MDGA2: variants seen among roughly 807,000 people sequenced by gnomAD.
MDGA2 encodes the protein MAM domain containing glycosylphosphatidylinositol anchor 2, also known as MAM domain-containing glycosylphosphatidylinositol anchor protein 2.
Under a neutral mutation model 117.8 loss-of-function variants are expected in MDGA2, and 40 were observed. That is an observed-to-expected ratio of 0.34 (90% CI 0.26 to 0.44). The LOEUF is 0.44. Ranked by LOEUF, MDGA2 falls within the 20% of genes least tolerant of loss-of-function variation. The pLI is 1.00. For missense variants in MDGA2, 1,123 were observed against 1,250.6 expected (o/e 0.90, Z 1.54); for synonymous variants, 452 against 439.0 (o/e 1.03, Z -0.37).
At chr14:47,295,679 G>A (rs10132633) in intron 2 of MDGA2, among the ~76,000 whole-genome samples, 2 of 151,856 alleles carry the variant, frequency 1.3e-5, no homozygotes, top group South Asian at 2.1e-4. Flanking sequence ...TGAGGTGGGC[G>A]AATCACCCGA....
intron 1 of MDGA2, among the ~76,000 whole-genome samples, chr14:47,428,660 C>A (rs1183983278): frequency 2.6e-5 from 4 of 152,056 alleles, no homozygotes; most frequent in African/African-American, 9.6e-5. Context: ...CTAAGAAGAG[C>A]TTTTCCCTAT....
intron 2 of MDGA2, among the ~76,000 whole-genome samples, chr14:47,225,327 C>T (rs930241785): frequency 4.0e-5 from 6 of 151,726 alleles, no homozygotes; most frequent in Non-Finnish European, 7.4e-5. Context: ...ACCCAAAGGA[C>T]TATAAATCAT....
At chr14:47,022,037 G>A (rs11621784) in intron 8 of MDGA2, among the ~76,000 whole-genome samples, 7,477 of 152,204 alleles carry the variant, frequency 0.049, 236 homozygotes, top group Middle Eastern at 0.075. Context: ...TGACAACACT[G>A]TAACTGAAAA....
At chr14:47,103,378 T>A (rs1005214820) in intron 5 of MDGA2, among the ~76,000 whole-genome samples, 1 of 152,170 alleles carries the variant, frequency 6.6e-6, no homozygotes, top group Non-Finnish European at 1.5e-5. Flanking sequence ...AAAATAAAGA[T>A]GAGATAATAT....
chr14:47,478,437 C>T (rs553451683), intron 1 of MDGA2, among the ~76,000 whole-genome samples: 15 of 152,232 alleles, frequency 9.9e-5, no homozygotes, highest in South Asian at 8.3e-4. Context: ...AGTGCTATGG[C>T]GCTATCACAG....
chr14:47,369,075 T>C (rs1433848445), intron 1 of MDGA2, among the ~76,000 whole-genome samples: 1 of 152,120 alleles, frequency 6.6e-6, no homozygotes, highest in African/African-American at 2.4e-5. Flanking sequence ...TAAACACTAC[T>C]ATACAATTTG....
At chr14:47,645,426 G>A (rs1251381837) in intron 1 of MDGA2, among the ~76,000 whole-genome samples, 3 of 151,418 alleles carry the variant, frequency 2.0e-5, no homozygotes, top group African/African-American at 7.3e-5. Flanking sequence ...ATTAGAGACG[G>A]AGTTTCACCG....
At chr14:47,122,973 A>G (rs1443857177) in intron 5 of MDGA2, among the ~76,000 whole-genome samples, 1 of 152,098 alleles carries the variant, frequency 6.6e-6, no homozygotes, top group Non-Finnish European at 1.5e-5. Flanking sequence ...TAAATTTTTC[A>G]ATTATAATCT....
At chr14:47,326,684 T>TAC (rs1339159448) in intron 1 of MDGA2, among the ~76,000 whole-genome samples, 2 of 80,736 alleles carry the variant, frequency 2.5e-5, no homozygotes, top group Non-Finnish European at 3.1e-5. Context: ...AGTAAGATAG[T>TAC]ATACACACAC....
chr14:46,895,013 C>T (rs1020347603), intron 10 of MDGA2, among the ~76,000 whole-genome samples: 8 of 152,296 alleles, frequency 5.3e-5, no homozygotes, highest in African/African-American at 1.9e-4. Flanking sequence ...CTTTCTTCAT[C>T]AGGTAGGTTT....
chr14:46,923,971 C>T (rs1213869101), intron 9 of MDGA2, among the ~76,000 whole-genome samples: 1 of 151,972 alleles, frequency 6.6e-6, no homozygotes, highest in Non-Finnish European at 1.5e-5. Context: ...AATTTTCTTA[C>T]TCTGTCACAT....
Position 47,343,227 on chromosome 14 carries a change from GT to G in MDGA2, c.281-41678del, listed in dbSNP as rs571331007. On this transcript the variant is annotated intron_variant, in intron 1 of 16. Coordinates refer to ENST00000399232, the MANE Select transcript of MDGA2 (RefSeq NM_001113498.3). ...GAATGGTGATTTTTTTTGTTTGTTT[GT>G]TTTTTTCAGGAACGATTATCGAATT... is the stretch of plus-strand genomic sequence containing the variant. The G allele has an allele frequency of 4.6e-3, 5,169 of 1,135,420 alleles. 20 individuals carry two copies. The highest frequency in any genetic ancestry group is 0.017 in the Middle Eastern group (42 of 2,446). The allele number at this position is 1,135,420 out of a possible 1,614,324, so 70.3% of individuals were successfully genotyped here.
chr14:46,964,204 T>G (rs1885923444), intron 8 of MDGA2, among the ~76,000 whole-genome samples: 1 of 152,202 alleles, frequency 6.6e-6, no homozygotes, highest in South Asian at 2.1e-4. Context: ...TAGCTTAGAC[T>G]TCCACTTGTC....
intron 2 of MDGA2, among the ~76,000 whole-genome samples, chr14:47,240,945 T>A (rs1188338005): frequency 6.6e-6 from 1 of 151,868 alleles, no homozygotes; most frequent in African/African-American, 2.4e-5. Context: ...TTTGGAAATG[T>A]TATGCATACC....
intron 7 of MDGA2, among the ~76,000 whole-genome samples, chr14:47,050,779 T>C (rs531082269): frequency 8.5e-5 from 13 of 152,092 alleles, no homozygotes; most frequent in African/African-American, 2.9e-4. Flanking sequence ...TGGTCTTCCA[T>C]GGTGAAATAA....
chr14:46,966,442 C>T (rs1357661331), intron 8 of MDGA2, among the ~76,000 whole-genome samples: 1 of 152,190 alleles, frequency 6.6e-6, no homozygotes, highest in Non-Finnish European at 1.5e-5. Context: ...GACCTACTCA[C>T]ACCATCATTT....
intron 1 of MDGA2, among the ~76,000 whole-genome samples, chr14:47,539,902 C>T (rs1345173513): frequency 1.3e-5 from 2 of 152,214 alleles, no homozygotes; most frequent in African/African-American, 2.4e-5. Flanking sequence ...ACACTGGCCT[C>T]GTCAAGGTTC....
chr14:47,043,117 C>CCG (rs1306213405), intron 7 of MDGA2, among the ~76,000 whole-genome samples: 1 of 151,986 alleles, frequency 6.6e-6, no homozygotes, highest in Non-Finnish European at 1.5e-5. Context: ...ATGATTATAA[C>CCG]CGCGTGTCAA....
intron 1 of MDGA2, among the ~76,000 whole-genome samples, chr14:47,418,528 A>G (rs1293932594): frequency 6.6e-6 from 1 of 152,168 alleles, no homozygotes; most frequent in African/African-American, 2.4e-5. Context: ...CAAACAAGCT[A>G]CCTTGAGCCT....
Sources: gnomAD v4.1 joint callset for allele counts (sites outside exome capture counted in the v4.1 genomes callset) on GRCh38, gnomAD v4.1.1 for gene constraint, MANE v1.5 for transcripts, NCBI Gene and HGNC (gene_info 2026-07-23, HGNC 2026-07-21) for gene names.